The following SLC14A2 variants were observed in gnomAD, a reference collection of about 807,000 sequenced individuals.
SLC14A2 encodes the protein urea transporter 2.
SLC14A2 carries 91 observed loss-of-function variants against 104.6 expected under a neutral mutation model. The observed-to-expected ratio is 0.87, with a 90% CI of 0.73 to 1.04. The LOEUF is 1.04. Ranked by LOEUF, SLC14A2 falls within the 50% of genes least tolerant of loss-of-function variation. SLC14A2 has a pLI of 0.00. For missense variants in SLC14A2, 1,189 were observed against 1,156.0 expected (o/e 1.03, Z -0.41); for synonymous variants, 476 against 466.4 (o/e 1.02, Z -0.27).
Position 45,260,806 on chromosome 18 carries a change from T to C in SLC14A2, c.-125+47615T>C, listed in dbSNP as rs546756712. 6.6e-5 allele frequency among the ~76,000 whole-genome samples: 10 copies of C among 152,020 alleles called. No homozygotes were observed. In the East Asian group the frequency reaches 1.9e-3, roughly 29 times the overall value. ...AAACATTGAATACACATGGTCATAATGATGGTAACAACAGATACTGGGGAC... is the reference window on the plus strand; with the variant it reads ...AAACATTGAATACACATGGTCATAACGATGGTAACAACAGATACTGGGGAC... On this transcript the variant is annotated intron_variant, in intron 1 of 20. Transcript: ENST00000586448.
intron 1 of SLC14A2, among the ~76,000 whole-genome samples, chr18:45,288,395 A>C (rs967900530): frequency 6.6e-6 from 1 of 152,212 alleles, no homozygotes; most frequent in Non-Finnish European, 1.5e-5. Flanking sequence ...CTGCACCCTC[A>C]GTGGGGCAGG....
intron 1 of SLC14A2, among the ~76,000 whole-genome samples, chr18:45,320,937 T>C (rs1365163685): frequency 2.6e-5 from 4 of 152,216 alleles, no homozygotes; most frequent in African/African-American, 7.2e-5. Context: ...TCAGTGCTCA[T>C]GGGCTTGAAC....
chr18:45,680,387 T>A (rs2046294534), intron 19 of SLC14A2, among the ~76,000 whole-genome samples: 1 of 152,224 alleles, frequency 6.6e-6, no homozygotes, highest in South Asian at 2.1e-4. Flanking sequence ...AAATCAAGTT[T>A]ACCTAGTTTG....
chr18:45,393,777 T>C (rs1313961108), intron 1 of SLC14A2, among the ~76,000 whole-genome samples: 1 of 152,182 alleles, frequency 6.6e-6, no homozygotes, highest in Non-Finnish European at 1.5e-5. Context: ...TTTCTACCAG[T>C]GACTTACCCT....
At chr18:45,449,977 A>T (rs1400037524) in intron 1 of SLC14A2, among the ~76,000 whole-genome samples, 1 of 152,226 alleles carries the variant, frequency 6.6e-6, no homozygotes, top group Non-Finnish European at 1.5e-5. Flanking sequence ...GATCACTTAC[A>T]GAAACACCCA....
upstream of SLC14A2, among the ~76,000 whole-genome samples, chr18:45,613,708 G>A (rs939413662): frequency 3.3e-5 from 5 of 152,202 alleles, no homozygotes; most frequent in East Asian, 1.9e-4. Context: ...TGAGAGAGAC[G>A]ATTTAGGATA....
intron 1 of SLC14A2, among the ~76,000 whole-genome samples, chr18:45,330,390 G>C (rs1474619209): frequency 2.0e-5 from 3 of 152,172 alleles, no homozygotes; most frequent in Non-Finnish European, 4.4e-5. Context: ...TTATCATTAG[G>C]CTTGAGGTTG....
At chr18:45,671,577 G>C (rs988763385) in intron 16 of SLC14A2, among the ~76,000 whole-genome samples, 1 of 152,170 alleles carries the variant, frequency 6.6e-6, no homozygotes, top group African/African-American at 2.4e-5. Context: ...TTCTGTATGT[G>C]CAACTCTCTC....
chr18:45,599,916 A>C lies in SLC14A2; in HGVS notation c.-34-24715A>C, dbSNP rs181251182. ...TCAGATCTCGTGAGACTTATTCACT[A>C]TCACAAGAACAGCATGGGAAAGACT... On this transcript the variant is annotated intron_variant, in intron 2 of 20. Coordinates refer to the SLC14A2 transcript ENST00000586448. Among the ~76,000 whole-genome samples the C allele has an allele frequency of 1.2e-3, 190 of 152,224 alleles. 1 individual carries two copies. The highest frequency in any genetic ancestry group is 4.2e-3 in the African/African-American group (174 of 41,522).
intron 2 of SLC14A2, among the ~76,000 whole-genome samples, chr18:45,488,655 G>A (rs1014031614): frequency 1.3e-5 from 2 of 152,204 alleles, no homozygotes; most frequent in African/African-American, 4.8e-5. Flanking sequence ...TGCAGGAAAT[G>A]AAGATGCTCT....
chr18:45,611,401 G>T (rs1341332839), upstream of SLC14A2, among the ~76,000 whole-genome samples: 1 of 152,070 alleles, frequency 6.6e-6, no homozygotes, highest in African/African-American at 2.4e-5. Flanking sequence ...GTAGCTCAAG[G>T]GCCTAAAGGA....
intron 1 of SLC14A2, among the ~76,000 whole-genome samples, chr18:45,619,431 C>T (rs2045128030): frequency 1.3e-5 from 2 of 152,200 alleles, no homozygotes; most frequent in Admixed American, 1.3e-4. Context: ...CACAGGCGAA[C>T]GGTAGATATT....
intron 1 of SLC14A2, among the ~76,000 whole-genome samples, chr18:45,616,126 T>C (rs1325571572): frequency 1.3e-5 from 2 of 152,150 alleles, no homozygotes; most frequent in African/African-American, 4.8e-5. Context: ...GGAGCACCCC[T>C]GGGTAGAACC....
At chr18:45,391,260 A>C (rs534859174) in intron 1 of SLC14A2, among the ~76,000 whole-genome samples, 8 of 152,154 alleles carry the variant, frequency 5.3e-5, no homozygotes, top group Non-Finnish European at 1.0e-4. Context: ...TGAACTCATC[A>C]TTTTTTATGG....
At chr18:45,502,703 C>T (rs1483542212) in intron 2 of SLC14A2, among the ~76,000 whole-genome samples, 13 of 152,150 alleles carry the variant, frequency 8.5e-5, no homozygotes, top group East Asian at 1.9e-4. Context: ...TCTGTGACAG[C>T]GCATCTAGTC....
chr18:45,618,815 A>G (rs2045117339), intron 1 of SLC14A2, among the ~76,000 whole-genome samples: 1 of 152,092 alleles, frequency 6.6e-6, no homozygotes. Flanking sequence ...ATTCACACCA[A>G]CAACTCAAGA....
At chr18:45,572,502 T>C (rs2044361924) in intron 2 of SLC14A2, among the ~76,000 whole-genome samples, 1 of 152,208 alleles carries the variant, frequency 6.6e-6, no homozygotes, top group African/African-American at 2.4e-5. Flanking sequence ...ATCTACTCAT[T>C]GTCTTCACTT....
intron 1 of SLC14A2, among the ~76,000 whole-genome samples, chr18:45,348,160 G>T (rs2085467972): frequency 6.6e-6 from 1 of 152,192 alleles, no homozygotes; most frequent in Admixed American, 6.5e-5. Context: ...CCAGGCCTTG[G>T]ATGCACTGGC....
chr18:45,448,907 G>T (rs1249452831), intron 1 of SLC14A2, among the ~76,000 whole-genome samples: 1 of 152,214 alleles, frequency 6.6e-6, no homozygotes, highest in Admixed American at 6.5e-5. Flanking sequence ...TAGTTGGAAA[G>T]CACAATCACT....
Sources: gnomAD v4.1 joint callset for allele counts (sites outside exome capture counted in the v4.1 genomes callset) on GRCh38, gnomAD v4.1.1 for gene constraint, MANE v1.5 for transcripts, NCBI Gene and HGNC (gene_info 2026-07-23, HGNC 2026-07-21) for gene names.